SLCO3A1: variants seen among roughly 807,000 people sequenced by gnomAD.
SLCO3A1 encodes the protein PGE1 transporter.
SLCO3A1 carries 27 observed loss-of-function variants against 63.1 expected under a neutral mutation model. That is an observed-to-expected ratio of 0.43 (90% CI 0.32 to 0.59). The LOEUF (loss-of-function observed/expected upper bound fraction) is 0.59. SLCO3A1 is among the 20% of genes least tolerant of loss of function. The pLI is 0.09. For synonymous variants in SLCO3A1, 473 were observed against 409.9 expected (o/e 1.15, Z -1.86); for missense variants, 773 against 945.8 (o/e 0.82, Z 2.40).
At chr15:91,889,294 A>G in intron 1 of SLCO3A1, 1 of 501,446 alleles carries the variant, frequency 2.0e-6, no homozygotes, top group Non-Finnish European at 3.7e-6. Context: ...GCTTCATAGC[A>G]CCTGTAGGCC....
rs185793080 is a variant in SLCO3A1, at chr15:91,862,087, G to A, written c.180+7999G>A. Among the ~76,000 whole-genome samples the A allele has an allele frequency of 1.6e-3, 241 of 152,164 alleles. 4 individuals carry two copies. The highest frequency in any genetic ancestry group is 0.012 in the Admixed American group (181 of 15,278). ...TTTTCATGGACGTAATAGTCCAAGT[G>A]GCATTTTAAGTTATCTGGTAATGGA... On this transcript the variant is annotated intron_variant, in intron 1 of 9. Transcript: ENST00000318445. This position sits in a 1 kb window ranked among gnomAD's most constrained non-coding sequence, Gnocchi z 4.0.
At chr15:92,001,337 A>G (rs2046252692) in intron 2 of SLCO3A1, among the ~76,000 whole-genome samples, 1 of 152,100 alleles carries the variant, frequency 6.6e-6, no homozygotes, top group South Asian at 2.1e-4. Context: ...GCACCAGCAC[A>G]TATTATGGGA....
intron 2 of SLCO3A1, among the ~76,000 whole-genome samples, chr15:92,043,738 T>C (rs758812442): frequency 6.6e-6 from 1 of 152,250 alleles, no homozygotes; most frequent in Non-Finnish European, 1.5e-5. Context: ...ACCACTTTCA[T>C]AGATTGCATG....
intron 2 of SLCO3A1, among the ~76,000 whole-genome samples, chr15:91,940,108 G>A (rs1352657522): frequency 2.0e-5 from 3 of 151,758 alleles, no homozygotes; most frequent in African/African-American, 2.4e-5. Flanking sequence ...CTTGTTCCTG[G>A]CCCTACCACT....
At chr15:92,109,523 G>A (rs1053817028) in intron 4 of SLCO3A1, among the ~76,000 whole-genome samples, 10 of 152,200 alleles carry the variant, frequency 6.6e-5, no homozygotes, top group African/African-American at 2.2e-4. Context: ...TAGCTGGGAT[G>A]AGTGTAACCG....
Position 92,147,000 on chromosome 15 carries a change from C to G in SLCO3A1, c.1529C>G (p.Ala510Gly). The change falls in exon 8 of 10, where the codon GCG becomes GGG. Residue 510 changes from alanine to glycine, a missense_variant. Physicochemically the swap from Ala to Gly is moderately conservative, Grantham distance 60 (BLOSUM62 0). Transcript: ENST00000318445. ...CCCTTTCAGAATCTCACGGGCTGTG[C>G]GTGCCTCACCACCGTCCCTGCTGAG... Reference protein sequence around the residue: ...GCNSTNLTGCACLTTVPAENA... With the variant: ...GCNSTNLTGCGCLTTVPAENA... 1.2e-6 allele frequency: 2 copies of G among 1,612,542 alleles called. No homozygotes were observed. Among genetic ancestry groups the G allele is most frequent in the Non-Finnish European group, 1.7e-6 (2 of 1,179,234 alleles).
At chr15:92,035,628 C>A (rs2046716417) in intron 2 of SLCO3A1, among the ~76,000 whole-genome samples, 1 of 151,684 alleles carries the variant, frequency 6.6e-6, no homozygotes, top group South Asian at 2.1e-4. Context: ...ACAAAGCTCA[C>A]ATAATTGCAA....
chr15:92,062,914 A>G (rs8026561), intron 2 of SLCO3A1, among the ~76,000 whole-genome samples: 99,042 of 152,068 alleles, frequency 0.65, 32,881 homozygotes, highest in Admixed American at 0.79. Context: ...CCTCTCAGTA[A>G]GTCAGAAGGT....
intron 9 of SLCO3A1, among the ~76,000 whole-genome samples, chr15:92,154,649 C>G (rs1012287661): frequency 6.6e-5 from 10 of 151,968 alleles, no homozygotes; most frequent in Non-Finnish European, 2.9e-5. Flanking sequence ...AATGTGAGAT[C>G]GGTCTCCCTT....
chr15:91,980,669 A>G (rs1299689635), intron 2 of SLCO3A1, among the ~76,000 whole-genome samples: 1 of 152,074 alleles, frequency 6.6e-6, no homozygotes, highest in Non-Finnish European at 1.5e-5. Context: ...CCATGCAGCT[A>G]TTATTGGGCA....
chr15:91,949,554 C>T (rs971728915), intron 2 of SLCO3A1, among the ~76,000 whole-genome samples: 44 of 151,882 alleles, frequency 2.9e-4, no homozygotes, highest in African/African-American at 9.9e-4. Context: ...CACTTCAACC[C>T]GGGAGGTGGA....
At chr15:92,053,617 G>A (rs537597899) in intron 2 of SLCO3A1, among the ~76,000 whole-genome samples, 68 of 151,398 alleles carry the variant, frequency 4.5e-4, no homozygotes, top group African/African-American at 1.5e-3. Context: ...CCTTGACAGC[G>A]TTGAGGAGTA....
Position 92,034,744 on chromosome 15 carries a change from G to A in SLCO3A1, c.647-60137G>A, listed in dbSNP as rs117420852. On this transcript the variant is annotated intron_variant, in intron 2 of 9. Coordinates refer to ENST00000318445, the MANE Select transcript of SLCO3A1 (RefSeq NM_013272.4). ...TTCACCCACTTTCACGCCTGGGAAG[G>A]CCTCGTTCCCATGTCCCCTCCAGTG... 9.1e-3 allele frequency among the ~76,000 whole-genome samples: 1,377 copies of A among 152,008 alleles called. 63 individuals carry two copies. The highest frequency in any genetic ancestry group is 0.059 in the Admixed American group (902 of 15,246).
chr15:92,165,515 G>C lies in SLCO3A1; in HGVS notation c.*2380G>C, dbSNP rs3743366. On this transcript the variant is annotated 3_prime_UTR_variant, in exon 10 of 10. Transcript: ENST00000318445. Reference sequence around the variant, plus strand: ...TATTTGCTTTGAGAGAAAAAAAAAAGAAAGTTTTTTAAACTCTTTGCATTT... The same window carrying C: ...TATTTGCTTTGAGAGAAAAAAAAAACAAAGTTTTTTAAACTCTTTGCATTT... 1.0e-5 allele frequency: 9 copies of C among 877,338 alleles called. No homozygotes were observed. In the African/African-American group the frequency reaches 1.5e-4, roughly 15 times the overall value. 54.3% of individuals were successfully genotyped at this position (877,338 alleles called of 1,614,324 possible).
Position 92,163,897 on chromosome 15 carries a change from A to C in SLCO3A1, c.*762A>C, listed in dbSNP as rs1596162214. The C allele has an allele frequency of 1.0e-6, 1 of 985,508 alleles. No individual in the cohort carries two copies. Among genetic ancestry groups the C allele is most frequent in the South Asian group, 4.7e-5 (1 of 21,296 alleles). 61.0% of individuals were successfully genotyped at this position (985,508 alleles called of 1,614,324 possible). ...CAGCACCTCCCAGTGGCGGGCATCCACCTTCCCCCAGCCCCACAGAGTGAC... is the reference window on the plus strand; with the variant it reads ...CAGCACCTCCCAGTGGCGGGCATCCCCCTTCCCCCAGCCCCACAGAGTGAC... On this transcript the variant is annotated 3_prime_UTR_variant, in exon 10 of 10. Coordinates refer to ENST00000318445, the MANE Select transcript of SLCO3A1 (RefSeq NM_013272.4).
intron 2 of SLCO3A1, among the ~76,000 whole-genome samples, chr15:92,005,538 C>T (rs1030568275): frequency 2.6e-5 from 4 of 152,164 alleles, no homozygotes; most frequent in African/African-American, 9.7e-5. Context: ...GAGAGTAGTC[C>T]TACACAGAGG....
intron 9 of SLCO3A1, among the ~76,000 whole-genome samples, chr15:92,154,023 C>A (rs1184504967): frequency 6.6e-6 from 1 of 152,122 alleles, no homozygotes; most frequent in African/African-American, 2.4e-5. Context: ...GGGCTTTAAC[C>A]AGAGAGTGAC....
chr15:92,149,370 T>G (rs1455300465), intron 8 of SLCO3A1: 1 of 152,292 alleles, frequency 6.6e-6, no homozygotes, highest in Non-Finnish European at 1.5e-5. Flanking sequence ...ACCTTCCTAG[T>G]CTGATTTGCC....
intron 7 of SLCO3A1, among the ~76,000 whole-genome samples, chr15:92,134,632 C>T (rs1286155902): frequency 6.6e-6 from 1 of 152,132 alleles, no homozygotes; most frequent in African/African-American, 2.4e-5. Context: ...GCCATCCATT[C>T]GTAGATGGAT....
Sources: allele counts gnomAD v4.1 joint callset (sites outside exome capture counted in the v4.1 genomes callset), GRCh38; gene constraint gnomAD v4.1.1; non-coding constraint Gnocchi (gnomAD v3.1); transcripts MANE v1.5; gene names NCBI Gene and HGNC (gene_info 2026-07-23, HGNC 2026-07-21).